Variants in HMGA2 observed in about 807,000 individuals in gnomAD.
HMGA2 encodes the protein high mobility group protein HMGI-C.
In HMGA2, 8 loss-of-function variants were observed where a neutral mutation model predicts 19.1. The observed-to-expected ratio is 0.42, with a 90% CI of 0.25 to 0.76. HMGA2 has a LOEUF of 0.76. Ranked by LOEUF, HMGA2 falls within the 30% of genes least tolerant of loss-of-function variation. The pLI is 0.28. For missense variants in HMGA2, 109 were observed against 136.3 expected (o/e 0.80, Z 1.00); for synonymous variants, 60 against 48.8 (o/e 1.23, Z -0.96).
chr12:65,892,439 A>T (rs1249385914), intron 3 of HMGA2, among the ~76,000 whole-genome samples: 1 of 152,144 alleles, frequency 6.6e-6, no homozygotes, highest in African/African-American at 2.4e-5. Flanking sequence ...TCTATTAGGG[A>T]TGCTTTGAAA....
At chr12:65,858,609 T>C (rs1565710418) in intron 3 of HMGA2, 1 of 152,222 alleles carries the variant, frequency 6.6e-6, no homozygotes, top group East Asian at 1.9e-4. Flanking sequence ...GGGTACCTTA[T>C]ATTTGTACCT....
At chr12:65,865,494 G>A in intron 3 of HMGA2, among the ~76,000 whole-genome samples, 1 of 152,072 alleles carries the variant, frequency 6.6e-6, no homozygotes, top group East Asian at 1.9e-4. Context: ...TGAAACTTAA[G>A]TTAGTCTTCA....
At chr12:65,879,196 C>T (rs1268881139) in intron 3 of HMGA2, among the ~76,000 whole-genome samples, 4 of 152,212 alleles carry the variant, frequency 2.6e-5, no homozygotes, top group Non-Finnish European at 4.4e-5. Context: ...GGCATGATCA[C>T]GGCTCACTGC....
chr12:65,931,449 C>T (rs1875706942), intron 3 of HMGA2, among the ~76,000 whole-genome samples: 2 of 151,968 alleles, frequency 1.3e-5, no homozygotes, highest in African/African-American at 2.4e-5. Context: ...TGTTGAAAGA[C>T]TTAAGAGATT....
Position 65,846,562 on chromosome 12 carries a change from G to A in HMGA2, c.249+7993G>A, listed in dbSNP as rs144140393. On this transcript the variant is annotated intron_variant, in intron 3 of 4. Coordinates refer to ENST00000403681, the MANE Select transcript of HMGA2 (RefSeq NM_003483.6). ...ATGCACCTCGAGTGCCTGTTTAAAC[G>A]TGATGTTGTGCAGAAGGAACAGCAT... Among the ~76,000 whole-genome samples, 308 of 152,330 alleles carry A rather than the reference G, an allele frequency of 2.0e-3. 2 individuals carry two copies. Among genetic ancestry groups the A allele is most frequent in the African/African-American group, 5.7e-3 (239 of 41,570 alleles).
intron 3 of HMGA2, among the ~76,000 whole-genome samples, chr12:65,866,580 G>C (rs1872426086): frequency 6.6e-6 from 1 of 152,136 alleles, no homozygotes; most frequent in Non-Finnish European, 1.5e-5. Context: ...TATGTTGCAG[G>C]TGTCTTAAGA....
chr12:65,854,511 G>A (rs1232185024), intron 3 of HMGA2, among the ~76,000 whole-genome samples: 1 of 152,214 alleles, frequency 6.6e-6, no homozygotes, highest in Non-Finnish European at 1.5e-5. Context: ...GTGTGTGTAT[G>A]TGTGAGCATC....
At chr12:65,946,594 T>C (rs1477262554) in intron 3 of HMGA2, among the ~76,000 whole-genome samples, 1 of 152,166 alleles carries the variant, frequency 6.6e-6, no homozygotes, top group Non-Finnish European at 1.5e-5. Flanking sequence ...TCTGGGTCCT[T>C]TGTTAGCAAG....
At chr12:65,877,068 T>C (rs1264176283) in intron 3 of HMGA2, 1 of 152,276 alleles carries the variant, frequency 6.6e-6, no homozygotes, top group Non-Finnish European at 1.5e-5. Flanking sequence ...ACCTTCCTGG[T>C]TGGCTTTGTT....
At chr12:65,961,285 T>A (rs922297150) in intron 4 of HMGA2, among the ~76,000 whole-genome samples, 3 of 152,166 alleles carry the variant, frequency 2.0e-5, no homozygotes, top group African/African-American at 7.2e-5. Flanking sequence ...TTCTGGAATT[T>A]AAATATTAAG....
At chr12:65,943,446 T>C (rs1257434394) in intron 3 of HMGA2, among the ~76,000 whole-genome samples, 1 of 152,190 alleles carries the variant, frequency 6.6e-6, no homozygotes, top group Non-Finnish European at 1.5e-5. Context: ...AGTCTGATGT[T>C]AATCAACACT....
chr12:65,913,621 T>G (rs1874940430), intron 3 of HMGA2, among the ~76,000 whole-genome samples: 1 of 152,230 alleles, frequency 6.6e-6, no homozygotes, highest in Non-Finnish European at 1.5e-5. Flanking sequence ...AGCCTTTTAA[T>G]AAGCAGCAGG....
intron 2 of HMGA2, among the ~76,000 whole-genome samples, chr12:65,838,009 C>G (rs1870806918): frequency 1.3e-5 from 2 of 152,074 alleles, no homozygotes; most frequent in Non-Finnish European, 1.5e-5. Flanking sequence ...CTTGTGTATT[C>G]TTTTTCACAT....
At chr12:65,884,767 C>T (rs894328178) in intron 3 of HMGA2, among the ~76,000 whole-genome samples, 1 of 152,132 alleles carries the variant, frequency 6.6e-6, no homozygotes, top group Non-Finnish European at 1.5e-5. Context: ...AGAATCATTA[C>T]CTGTATGAAC....
At chr12:65,938,234 T>G (rs1342625232) in intron 3 of HMGA2, among the ~76,000 whole-genome samples, 1 of 152,210 alleles carries the variant, frequency 6.6e-6, no homozygotes, top group Non-Finnish European at 1.5e-5. Flanking sequence ...AATCTGAAGC[T>G]CCGACATTTC....
At chr12:65,835,979 T>C (rs900489891) in intron 2 of HMGA2, among the ~76,000 whole-genome samples, 3 of 152,136 alleles carry the variant, frequency 2.0e-5, no homozygotes, top group Non-Finnish European at 2.9e-5. Flanking sequence ...AACTCCACAC[T>C]CATGTATAAC....
At chr12:65,940,846 A>G (rs779049851) in intron 3 of HMGA2, among the ~76,000 whole-genome samples, 5 of 152,184 alleles carry the variant, frequency 3.3e-5, no homozygotes, top group Non-Finnish European at 7.3e-5. Context: ...TGGTTGTTGT[A>G]AGGGTTAAAA....
intron 3 of HMGA2, among the ~76,000 whole-genome samples, chr12:65,942,265 A>G (rs1160712182): frequency 6.6e-6 from 1 of 152,238 alleles, no homozygotes; most frequent in Non-Finnish European, 1.5e-5. Context: ...ACCCAGCAGC[A>G]TGGCAGTTCA....
chr12:65,873,000 A>C, intron 3 of HMGA2, among the ~76,000 whole-genome samples: 1 of 152,086 alleles, frequency 6.6e-6, no homozygotes, highest in East Asian at 1.9e-4. Flanking sequence ...TATAGTCTTT[A>C]CCTTTACTTC....
Sources: allele counts gnomAD v4.1 joint callset (sites outside exome capture counted in the v4.1 genomes callset), GRCh38; gene constraint gnomAD v4.1.1; transcripts MANE v1.5; gene names NCBI Gene and HGNC (gene_info 2026-07-23, HGNC 2026-07-21).